The following RNF130 variants were observed in gnomAD, a reference collection of about 807,000 sequenced individuals.
The protein encoded by RNF130 is E3 ubiquitin-protein ligase RNF130.
In RNF130, 21 loss-of-function variants were observed where a neutral mutation model predicts 44.6. That is an observed-to-expected ratio of 0.47 (90% CI 0.33 to 0.68). RNF130 has a LOEUF of 0.68. RNF130 is among the 30% of genes least tolerant of loss of function. RNF130 has a pLI of 0.02. For synonymous variants in RNF130, 214 were observed against 210.4 expected (o/e 1.02, Z -0.15); for missense variants, 479 against 560.6 (o/e 0.85, Z 1.47).
At chr5:179,912,691 G>A (rs545352343) in exon 8 of RNF130, 1 of 152,388 alleles carries the variant, frequency 6.6e-6, no homozygotes, top group East Asian at 1.9e-4. Context: ...TCGCCTGAAG[G>A]AAGAGAAATG....
intron 3 of RNF130, among the ~76,000 whole-genome samples, chr5:179,990,658 C>A (rs1237195933): frequency 1.3e-5 from 2 of 152,202 alleles, no homozygotes; most frequent in African/African-American, 2.4e-5. Flanking sequence ...TACCGCTAGA[C>A]CATGGTCCGC....
chr5:180,042,793 G>C (rs1241788859), intron 1 of RNF130, among the ~76,000 whole-genome samples: 1 of 152,172 alleles, frequency 6.6e-6, no homozygotes, highest in Non-Finnish European at 1.5e-5. Context: ...TTAATCATTT[G>C]TCTGTGACTT....
exon 8 of RNF130, chr5:179,915,060 G>A (rs946138786): frequency 2.3e-4 from 32 of 139,206 alleles, no homozygotes; most frequent in African/African-American, 7.2e-4. Flanking sequence ...AGGCTGGTGC[G>A]GCTCACACCT....
At chr5:179,939,964 T>C (rs79156725) in intron 7 of RNF130, 2 of 221,898 alleles carry the variant, frequency 9.0e-6, no homozygotes, top group Admixed American at 1.1e-4. Context: ...TTTTTTTTTT[T>C]CTAGCATCAG....
intron 5 of RNF130, among the ~76,000 whole-genome samples, chr5:179,970,852 CAT>C (rs1029653841): frequency 1.4e-4 from 21 of 152,114 alleles, no homozygotes; most frequent in African/African-American, 4.6e-4. Context: ...CAATAGCTAA[CAT>C]AGAAAAATGG....
At chr5:179,999,310 C>A (rs1221137009) in intron 3 of RNF130, among the ~76,000 whole-genome samples, 2 of 152,118 alleles carry the variant, frequency 1.3e-5, no homozygotes, top group African/African-American at 4.8e-5. Context: ...CGTGAGCCAC[C>A]ACGCCTGGCC....
intron 1 of RNF130, among the ~76,000 whole-genome samples, chr5:180,043,243 T>G (rs975587610): frequency 6.6e-6 from 1 of 152,202 alleles, no homozygotes; most frequent in Non-Finnish European, 1.5e-5. Flanking sequence ...GAGGATCGCT[T>G]GAGCCCAGGA....
rs141908143 is a variant in RNF130 at position 179,970,909 on chromosome 5, G to A, written c.849-403C>T. Among the ~76,000 whole-genome samples, 292 of 152,320 alleles carry A rather than the reference G, an allele frequency of 1.9e-3. 2 individuals carry two copies. The highest frequency in any genetic ancestry group is 6.5e-3 in the African/African-American group (269 of 41,580). On this transcript the variant is annotated intron_variant, in intron 5 of 8. Transcript: ENST00000521389. Reference sequence around the variant, plus strand: ...ATCATGGCTAAGTGAAGAGTTCTCTGTATAGTGATTAGTTTTTTGGCACCC... The same window carrying A: ...ATCATGGCTAAGTGAAGAGTTCTCTATATAGTGATTAGTTTTTTGGCACCC...
chr5:180,001,897 G>A (rs940460868), intron 3 of RNF130, among the ~76,000 whole-genome samples: 1 of 152,170 alleles, frequency 6.6e-6, no homozygotes, highest in Non-Finnish European at 1.5e-5. Flanking sequence ...GGCCTGTAAG[G>A]GCAAGGTGTC....
At chr5:180,017,594 T>TTAAC (rs1286330226) in intron 2 of RNF130, among the ~76,000 whole-genome samples, 8 of 152,218 alleles carry the variant, frequency 5.3e-5, no homozygotes, top group African/African-American at 1.9e-4. Flanking sequence ...ATCAAAGGCA[T>TTAAC]TAACAACACT....
At chr5:180,053,365 A>C (rs1764733017) in intron 1 of RNF130, among the ~76,000 whole-genome samples, 1 of 152,240 alleles carries the variant, frequency 6.6e-6, no homozygotes, top group Admixed American at 6.5e-5. Flanking sequence ...GTATCATTTC[A>C]GAGTTTACAA....
intron 7 of RNF130, among the ~76,000 whole-genome samples, chr5:179,942,502 A>G (rs1427177936): frequency 2.6e-5 from 4 of 152,208 alleles, no homozygotes; most frequent in African/African-American, 7.2e-5. Context: ...TTTTGGATTA[A>G]GTTCTAGAAA....
intron 3 of RNF130, among the ~76,000 whole-genome samples, chr5:179,996,607 A>G (rs918130974): frequency 1.3e-5 from 2 of 152,240 alleles, no homozygotes; most frequent in African/African-American, 4.8e-5. Flanking sequence ...GATGTGATGC[A>G]TCGCATTTAT....
chr5:180,049,661 A>G (rs925906649), intron 1 of RNF130, among the ~76,000 whole-genome samples: 2 of 152,200 alleles, frequency 1.3e-5, no homozygotes, highest in Non-Finnish European at 2.9e-5. Flanking sequence ...ACTTAACACT[A>G]TTCTGAGAAG....
At position 180,071,743 on chromosome 5, in the gene RNF130, G is replaced by C. The variant is rs931124597; in HGVS notation, c.-41C>G. 7 of 1,156,452 alleles carry C rather than the reference G, an allele frequency of 6.1e-6. No individual in the cohort carries two copies. Among genetic ancestry groups the C allele is most frequent in the Non-Finnish European group, 7.4e-6 (7 of 941,392 alleles). The allele number at this position is 1,156,452 out of a possible 1,614,324, so 71.6% of individuals were successfully genotyped here. ...CGCCGCTGCTCGCGGACCGGGCTCC[G>C]GGGCCGGCGCCTAGAGGCGGGGCGG... On this transcript the variant is annotated 5_prime_UTR_variant, in exon 1 of 9. Transcript: ENST00000521389.
At chr5:179,945,872 C>T (rs534672802) in intron 7 of RNF130, among the ~76,000 whole-genome samples, 2 of 123,244 alleles carry the variant, frequency 1.6e-5, no homozygotes, top group African/African-American at 6.2e-5. Flanking sequence ...GAGCTGCATG[C>T]ATTTATACCC....
chr5:179,937,471 G>C (rs1761908320), intron 7 of RNF130, among the ~76,000 whole-genome samples: 1 of 152,138 alleles, frequency 6.6e-6, no homozygotes, highest in South Asian at 2.1e-4. Context: ...CTAGGCATTA[G>C]GGAAATGCAA....
At chr5:180,028,515 C>T (rs898545233) in intron 2 of RNF130, among the ~76,000 whole-genome samples, 1 of 151,682 alleles carries the variant, frequency 6.6e-6, no homozygotes, top group African/African-American at 2.4e-5. Flanking sequence ...TTATGCAGGG[C>T]CTGGCACAAT....
rs1412094314 is a variant in RNF130, at chr5:179,999,103, G to A, written c.693+13958C>T. On this transcript the variant is annotated intron_variant, in intron 3 of 8. Transcript: ENST00000521389. ...AGTGGTGTGATCTCAACTCACTGCA[G>A]CCTCTGCCTTGCAGGTTCAAGCGAT... Among the ~76,000 whole-genome samples the A allele has an allele frequency of 3.0e-5, 4 of 135,014 alleles. No homozygotes were observed. The East Asian group carries it at 8.6e-4, about 29-fold the overall frequency. The allele number at this position is 135,014 out of a possible 152,430, so 88.6% of individuals were successfully genotyped here.
Sources: gnomAD v4.1 joint callset for allele counts (sites outside exome capture counted in the v4.1 genomes callset) on GRCh38, gnomAD v4.1.1 for gene constraint, MANE v1.5 for transcripts, NCBI Gene and HGNC (gene_info 2026-07-23, HGNC 2026-07-21) for gene names.